The following CA10 variants were observed in gnomAD, a reference collection of about 807,000 sequenced individuals.
CA10 encodes carbonic anhydrase-related protein 10.
CA10 carries 14 observed loss-of-function variants against 44.2 expected under a neutral mutation model. The ratio of observed to expected loss-of-function variants is 0.32; its 90% CI spans 0.21 to 0.50. The LOEUF is 0.50. Ranked by LOEUF, CA10 falls within the 20% of genes least tolerant of loss-of-function variation. The pLI is 0.99. For synonymous variants in CA10, 159 were observed against 141.6 expected (o/e 1.12, Z -0.87); for missense variants, 350 against 409.7 (o/e 0.85, Z 1.26).
At chr17:51,731,407 C>T (rs114168110) in intron 4 of CA10, among the ~76,000 whole-genome samples, 3,002 of 152,104 alleles carry the variant, frequency 0.02, 109 homozygotes, top group African/African-American at 0.068. Context: ...GGATTCTGGT[C>T]AATGAGTAAT....
At chr17:51,770,002 C>T (rs966659239) in intron 3 of CA10, among the ~76,000 whole-genome samples, 1 of 152,042 alleles carries the variant, frequency 6.6e-6, no homozygotes, top group African/African-American at 2.4e-5. Context: ...GCTGGAGGAT[C>T]TGGTGTAGAA....
At chr17:51,828,377 G>C (rs1267962296) in intron 3 of CA10, among the ~76,000 whole-genome samples, 1 of 152,072 alleles carries the variant, frequency 6.6e-6, no homozygotes, top group Non-Finnish European at 1.5e-5. Flanking sequence ...GCACATAACT[G>C]TATGCAAGCA....
chr17:51,885,120 T>C (rs575387313), intron 3 of CA10, among the ~76,000 whole-genome samples: 1 of 152,346 alleles, frequency 6.6e-6, no homozygotes, highest in South Asian at 2.1e-4. Flanking sequence ...TAGCACCATA[T>C]GACATACAAC....
chr17:51,922,060 G>C (rs2143973842), intron 3 of CA10, among the ~76,000 whole-genome samples: 1 of 152,240 alleles, frequency 6.6e-6, no homozygotes, highest in Middle Eastern at 3.4e-3. Flanking sequence ...CACCTGTGAT[G>C]GTAGCTAACA....
At chr17:51,932,564 T>G (rs1305923611) in intron 2 of CA10, among the ~76,000 whole-genome samples, 1 of 152,138 alleles carries the variant, frequency 6.6e-6, no homozygotes, top group Non-Finnish European at 1.5e-5. Flanking sequence ...GACAAATATC[T>G]AATTTGGTTT....
At chr17:51,959,867 C>CTAA (rs1289811676) in intron 2 of CA10, among the ~76,000 whole-genome samples, 1 of 147,296 alleles carries the variant, frequency 6.8e-6, no homozygotes, top group Non-Finnish European at 1.5e-5. Context: ...GGACCAGAGT[C>CTAA]TAATATATAA....
chr17:51,980,181 C>T (rs1316731412), intron 2 of CA10, among the ~76,000 whole-genome samples: 8 of 152,140 alleles, frequency 5.3e-5, no homozygotes, highest in Non-Finnish European at 7.4e-5. Context: ...TCCACACCCT[C>T]GCCAGCATCT....
intron 3 of CA10, among the ~76,000 whole-genome samples, chr17:51,891,923 A>G (rs1334449025): frequency 6.6e-6 from 1 of 152,160 alleles, no homozygotes; most frequent in Non-Finnish European, 1.5e-5. Context: ...GTATCATGCC[A>G]TCCCTACCTA....
chr17:51,749,011 G>A (rs1397312208), intron 3 of CA10, among the ~76,000 whole-genome samples: 1 of 152,140 alleles, frequency 6.6e-6, no homozygotes, highest in East Asian at 1.9e-4. Context: ...GTTGGGAGGG[G>A]TCATGACAAG....
At chr17:51,726,988 A>G (rs919855285) in intron 4 of CA10, among the ~76,000 whole-genome samples, 3 of 152,218 alleles carry the variant, frequency 2.0e-5, no homozygotes, top group African/African-American at 7.2e-5. Flanking sequence ...TGTTGTAGGC[A>G]GCTGGATAGA....
chr17:51,748,546 AC>A (rs1904788042), intron 3 of CA10: 1 of 380,296 alleles, frequency 2.6e-6, no homozygotes, highest in Non-Finnish European at 3.1e-6. Flanking sequence ...CCTGACTGTG[AC>A]CTCAACAACA....
chr17:51,684,939 T>C (rs984476110), intron 4 of CA10, among the ~76,000 whole-genome samples: 1 of 152,158 alleles, frequency 6.6e-6, no homozygotes, highest in African/African-American at 2.4e-5. Context: ...GTTTCTTAGC[T>C]CCACATTTGG....
chr17:51,857,686 C>G (rs1979115618), intron 3 of CA10, among the ~76,000 whole-genome samples: 2 of 152,094 alleles, frequency 1.3e-5, no homozygotes, highest in African/African-American at 4.8e-5. Context: ...ATGTTCTATT[C>G]CCACAGCCAT....
intron 4 of CA10, among the ~76,000 whole-genome samples, chr17:51,680,832 C>T (rs1441281771): frequency 1.3e-5 from 2 of 152,068 alleles, no homozygotes; most frequent in African/African-American, 2.4e-5. Context: ...GGAATGGAAC[C>T]CACTTGGATA....
intron 2 of CA10, among the ~76,000 whole-genome samples, chr17:52,062,464 CA>C (rs760105057): frequency 6.6e-6 from 1 of 151,948 alleles, no homozygotes; most frequent in Non-Finnish European, 1.5e-5. Flanking sequence ...TGCAAAGAGT[CA>C]AAAAAATTGG....
intron 2 of CA10, among the ~76,000 whole-genome samples, chr17:52,050,207 T>C (rs1313599760): frequency 1.3e-5 from 2 of 152,076 alleles, no homozygotes; most frequent in East Asian, 3.9e-4. Flanking sequence ...CCATCATTCA[T>C]GGAGGTGTTG....
chr17:51,669,246 G>A (rs1265105223), intron 4 of CA10, among the ~76,000 whole-genome samples: 2 of 152,196 alleles, frequency 1.3e-5, no homozygotes, highest in Non-Finnish European at 2.9e-5. Flanking sequence ...TCTAGCTGGA[G>A]GATTGTATAT....
At chr17:51,822,727 G>A (rs1441621818) in intron 3 of CA10, among the ~76,000 whole-genome samples, 1 of 152,170 alleles carries the variant, frequency 6.6e-6, no homozygotes, top group Admixed American at 6.5e-5. Context: ...GCATCTAACT[G>A]GACTTGGTCA....
chr17:52,145,076 G>A (rs1461972890), intron 1 of CA10, among the ~76,000 whole-genome samples: 1 of 152,124 alleles, frequency 6.6e-6, no homozygotes, highest in Non-Finnish European at 1.5e-5. Flanking sequence ...AGTCAATGAC[G>A]ACCCCTAGAC....
Sources: allele counts gnomAD v4.1 joint callset (sites outside exome capture counted in the v4.1 genomes callset), GRCh38; gene constraint gnomAD v4.1.1; transcripts MANE v1.5; gene names NCBI Gene and HGNC (gene_info 2026-07-23, HGNC 2026-07-21).